Variants in AP1M1 observed in about 807,000 individuals in gnomAD.
The protein encoded by AP1M1 is AP-1 complex subunit mu-1.
Under a neutral mutation model 57.1 loss-of-function variants are expected in AP1M1, and 18 were observed. That is an observed-to-expected ratio of 0.32 (90% CI 0.22 to 0.47). The LOEUF is 0.47. Ranked by LOEUF, AP1M1 falls within the 20% of genes least tolerant of loss-of-function variation. AP1M1 has a pLI of 1.00. For missense variants in AP1M1, 362 were observed against 593.5 expected (o/e 0.61, Z 4.05); for synonymous variants, 241 against 237.9 (o/e 1.01, Z -0.12).
intron 5 of AP1M1, among the ~76,000 whole-genome samples, chr19:16,219,217 CT>C (rs2091531710): frequency 6.6e-6 from 1 of 151,938 alleles, no homozygotes; most frequent in Admixed American, 6.6e-5. Flanking sequence ...TGTTGCATTC[CT>C]GGAATAAAAT....
intron 6 of AP1M1, chr19:16,226,759 T>C (rs746741509): frequency 2.5e-4 from 157 of 620,126 alleles, no homozygotes; most frequent in Middle Eastern, 4.7e-4. Context: ...CCAGTCCAGC[T>C]GGGAGGCCCC....
In AP1M1 at chr19:16,241,991, C is replaced by CAA; in HGVS notation, c.*7566_*7567dup. 7.5e-6 allele frequency: 1 copy of CAA among 133,804 alleles called. No homozygotes were observed. Among genetic ancestry groups the CAA allele is most frequent in the Non-Finnish European group, 1.6e-5 (1 of 62,266 alleles). The allele number at this position is 133,804 out of a possible 1,614,324, so 8.3% of individuals were successfully genotyped here. On this transcript the variant is annotated 3_prime_UTR_variant, in exon 12 of 12. Transcript: ENST00000291439. ...CTGGGCAATGAGCGAAACTCCATCT[C>CAA]AAAAAAAAAAAGAAAGAAAAAGAAA...
chr19:16,215,185 A>C, intron 5 of AP1M1, among the ~76,000 whole-genome samples: 1 of 13,954 alleles, frequency 7.2e-5, no homozygotes, highest in African/African-American at 1.8e-4. Flanking sequence ...GCACTTTGGG[A>C]GGCTAAGGCG....
At chr19:16,209,677 C>T (rs186609296) in intron 5 of AP1M1, among the ~76,000 whole-genome samples, 3 of 151,964 alleles carry the variant, frequency 2.0e-5, no homozygotes, top group Admixed American at 6.5e-5. Flanking sequence ...ATTTATTCAC[C>T]GTCACCCTCT....
intron 9 of AP1M1, among the ~76,000 whole-genome samples, chr19:16,231,278 A>T: frequency 8.2e-6 from 1 of 121,774 alleles, no homozygotes; most frequent in South Asian, 2.8e-4. Flanking sequence ...ACAGAGCAAG[A>T]CTCTGTCTCA....
At chr19:16,229,878 G>A (rs534869622) in intron 9 of AP1M1, among the ~76,000 whole-genome samples, 3 of 152,134 alleles carry the variant, frequency 2.0e-5, no homozygotes, top group African/African-American at 4.8e-5. Flanking sequence ...GTGGCGCTGC[G>A]GCAGAGCGTT....
Position 16,238,419 on chromosome 19 carries a change from A to G in AP1M1, c.*3984A>G, listed in dbSNP as rs1416315349. The stretch of plus-strand genomic sequence containing the variant: ...GCAAGAGATTACAGCAGTGAAAATG[A>G]ATTCAACTAGAGCAGTGATATGGCT... On this transcript the variant is annotated 3_prime_UTR_variant, in exon 12 of 12. Transcript: ENST00000291439. 6.6e-6 allele frequency: 1 copy of G among 152,242 alleles called. No individual in the cohort carries two copies. Among genetic ancestry groups the G allele is most frequent in the Non-Finnish European group, 1.5e-5 (1 of 68,034 alleles). The allele number at this position is 152,242 out of a possible 1,614,324, so 9.4% of individuals were successfully genotyped here. A position where few individuals can be genotyped will look rare whatever the true frequency, so the allele number is the denominator to read the frequency against.
intron 9 of AP1M1, among the ~76,000 whole-genome samples, chr19:16,229,520 G>A (rs1454531720): frequency 6.6e-6 from 1 of 152,192 alleles, no homozygotes; most frequent in African/African-American, 2.4e-5. Flanking sequence ...TGAGCCGGGT[G>A]GCACTGACCT....
chr19:16,201,398 T>TC (rs1412861639), intron 1 of AP1M1, among the ~76,000 whole-genome samples: 4 of 135,782 alleles, frequency 2.9e-5, no homozygotes, highest in Non-Finnish European at 6.4e-5. Flanking sequence ...CTTTTTTTTT[T>TC]TTTTTTTTTT....
intron 1 of AP1M1, among the ~76,000 whole-genome samples, chr19:16,201,354 A>G (rs1252547253): frequency 1.4e-5 from 2 of 146,396 alleles, no homozygotes; most frequent in Admixed American, 1.4e-4. Context: ...GAGGGATGGG[A>G]CATGATCTCA....
chr19:16,227,737 C>G lies in AP1M1; in HGVS notation c.816+47C>G. 6.3e-7 allele frequency: 1 copy of G among 1,595,360 alleles called. No individual in the cohort carries two copies. Among genetic ancestry groups the G allele is most frequent in the Non-Finnish European group, 8.6e-7 (1 of 1,168,092 alleles). ...TGGGCTGTCGGCAGACTCCTCCTCC[C>G]CTTCACCTCCAGGAGGTGAAGCCCA... On this transcript the variant is annotated intron_variant, in intron 7 of 11. Transcript: ENST00000291439. The surrounding 1 kb of genome is among the most constrained non-coding windows in gnomAD (Gnocchi z 6.2).
chr19:16,224,166 G>A (rs17795915), intron 5 of AP1M1, among the ~76,000 whole-genome samples: 100,199 of 152,208 alleles, frequency 0.66, 35,236 homozygotes, highest in Non-Finnish European at 0.8. Flanking sequence ...CTTACTTTCC[G>A]GGACGGGACA....
intron 5 of AP1M1, among the ~76,000 whole-genome samples, chr19:16,217,269 C>G (rs1599459590): frequency 6.6e-6 from 1 of 152,062 alleles, no homozygotes; most frequent in East Asian, 1.9e-4. Flanking sequence ...CTCTATGCTG[C>G]CAACACTCTG....
Position 16,244,461 on chromosome 19 carries a change from A to G in AP1M1, c.*10026A>G, listed in dbSNP as rs1479679414. ...AAATCTAGACAAAGATTGCATAAAC[A>G]GTTTCTGGAGTTTTTTTAAGTGATA... On this transcript the variant is annotated 3_prime_UTR_variant, in exon 12 of 12. Transcript: ENST00000291439. The G allele has an allele frequency of 2.0e-5, 3 of 152,212 alleles. No individual in the cohort carries two copies. Among genetic ancestry groups the G allele is most frequent in the African/African-American group, 7.2e-5 (3 of 41,458 alleles). The allele number at this position is 152,212 out of a possible 1,614,324, so 9.4% of individuals were successfully genotyped here. A position where few individuals can be genotyped will look rare whatever the true frequency, so the allele number is the denominator to read the frequency against.
chr19:16,226,320 A>G, intron 5 of AP1M1, 101 bp from the exon 6 acceptor site: 1 of 1,429,460 alleles, frequency 7.0e-7, no homozygotes, highest in Non-Finnish European at 9.3e-7. Flanking sequence ...GGAGGTGAGA[A>G]GGGCGTTGAG....
rs1158134942 is a variant in AP1M1 at position 16,227,492 on chromosome 19, G to A, written c.674-56G>A. ...GTGGGTTGCAGGTGGTAGGAGTACT[G>A]CTGAGATAGTGACCCGGAGGGCCCA... On this transcript the variant is annotated intron_variant, in intron 6 of 11. Transcript: ENST00000291439. This position sits in a 1 kb window ranked among gnomAD's most constrained non-coding sequence, Gnocchi z 6.2. The A allele has an allele frequency of 6.3e-7, 1 of 1,587,922 alleles. No homozygotes were observed. The highest frequency in any genetic ancestry group is 8.6e-7 in the Non-Finnish European group (1 of 1,160,020).
At chr19:16,226,585 G>A (rs756672040) in intron 6 of AP1M1, 38 bp downstream of exon 6, 9 of 1,549,610 alleles carry the variant, frequency 5.8e-6, no homozygotes, top group Middle Eastern at 1.7e-4. Context: ...CATGAGGATG[G>A]CCTCACCAGG....
intron 5 of AP1M1, among the ~76,000 whole-genome samples, chr19:16,214,786 T>C (rs1028148944): frequency 3.3e-5 from 5 of 151,816 alleles, no homozygotes. Flanking sequence ...TCTCATTCTG[T>C]TGCTCAGGCT....
At chr19:16,219,819 G>A (rs2091535655) in intron 5 of AP1M1, among the ~76,000 whole-genome samples, 1 of 152,242 alleles carries the variant, frequency 6.6e-6, no homozygotes, top group African/African-American at 2.4e-5. Context: ...GTCACATGAA[G>A]TTGGGTATGG....
Sources: allele counts gnomAD v4.1 joint callset (sites outside exome capture counted in the v4.1 genomes callset), GRCh38; gene constraint gnomAD v4.1.1; non-coding constraint Gnocchi (gnomAD v3.1); transcripts MANE v1.5; gene names NCBI Gene and HGNC (gene_info 2026-07-23, HGNC 2026-07-21).